The following KCNMB3 variants were observed in gnomAD, a reference collection of about 807,000 sequenced individuals.
KCNMB3 encodes calcium-activated potassium channel subunit beta-3.
Under a neutral mutation model 11.9 loss-of-function variants are expected in KCNMB3, and 18 were observed. That is an observed-to-expected ratio of 1.51 (90% CI 1.04 to 2.23). The LOEUF is 2.23. Among genes scored for constraint, KCNMB3 ranks in the 30% most tolerant of loss-of-function variants. The pLI is 0.00. For missense variants in KCNMB3, 247 were observed against 329.4 expected (o/e 0.75, Z 1.94); for synonymous variants, 78 against 119.2 (o/e 0.65, Z 2.25).
chr3:179,262,790 G>A (rs898617612), intron 1 of KCNMB3, among the ~76,000 whole-genome samples: 6 of 152,144 alleles, frequency 3.9e-5, no homozygotes, highest in Admixed American at 2.0e-4. Context: ...GGACACAAAC[G>A]TTTTCCAAGT....
At chr3:179,249,215 A>G (rs1463400972) in intron 1 of KCNMB3, among the ~76,000 whole-genome samples, 3 of 149,940 alleles carry the variant, frequency 2.0e-5, no homozygotes, top group Non-Finnish European at 3.0e-5. Context: ...GGGTTTCAGC[A>G]TGTTAGCCAG....
At chr3:179,259,246 G>A in intron 1 of KCNMB3, 1 of 1,535,090 alleles carries the variant, frequency 6.5e-7, no homozygotes, top group South Asian at 1.3e-5. Flanking sequence ...TCCTGTGAGG[G>A]ACTTTCATTT....
chr3:179,250,178 TCTTA>T (rs1192401743), intron 1 of KCNMB3, among the ~76,000 whole-genome samples: 3 of 152,176 alleles, frequency 2.0e-5, no homozygotes, highest in Non-Finnish European at 4.4e-5. Flanking sequence ...GAGGGATTGA[TCTTA>T]CTGTCTCAGG....
At chr3:179,243,528 G>A (rs1298368280) in intron 2 of KCNMB3, among the ~76,000 whole-genome samples, 2 of 152,050 alleles carry the variant, frequency 1.3e-5, no homozygotes. Context: ...TTGCAGGAGA[G>A]TCAGTGACCA....
chr3:179,265,333 A>G (rs1417250961), intron 1 of KCNMB3, among the ~76,000 whole-genome samples: 2 of 152,184 alleles, frequency 1.3e-5, no homozygotes, highest in African/African-American at 2.4e-5. Context: ...AGTGAGTAAC[A>G]TGATGACCAT....
chr3:179,256,001 A>G (rs1301351150), upstream of KCNMB3, among the ~76,000 whole-genome samples: 1 of 152,216 alleles, frequency 6.6e-6, no homozygotes, highest in Non-Finnish European at 1.5e-5. Context: ...TTCAAACACA[A>G]AACTGAGTTT....
chr3:179,259,263 A>G, intron 1 of KCNMB3: 1 of 1,538,566 alleles, frequency 6.5e-7, no homozygotes, highest in Admixed American at 2.2e-5. Flanking sequence ...ATTTTTGGGT[A>G]CGGTGCAGTG....
downstream of KCNMB3, chr3:179,241,715 TAAC>T (rs917304431): frequency 1.3e-5 from 2 of 152,572 alleles, no homozygotes; most frequent in African/African-American, 4.8e-5. Flanking sequence ...CATCATTTAA[TAAC>T]CATGGTTGAT....
rs539616104 is a variant in KCNMB3, at chr3:179,258,388, T to A, written c.63-7454A>T. Reference sequence around the variant, plus strand: ...AAAGCATTGGTTCAAAATCAAAGACTTATATGAGGTGAAGGCAAATAAAGC... The same window carrying A: ...AAAGCATTGGTTCAAAATCAAAGACATATATGAGGTGAAGGCAAATAAAGC... On this transcript the variant is annotated intron_variant, in intron 1 of 3. Coordinates refer to the KCNMB3 transcript ENST00000349697. Among the ~76,000 whole-genome samples the A allele has an allele frequency of 2.6e-5, 4 of 152,326 alleles. No individual in the cohort carries two copies. The South Asian group carries it at 6.2e-4, about 24-fold the overall frequency.
intron 1 of KCNMB3, among the ~76,000 whole-genome samples, chr3:179,261,672 G>A (rs1379468573): frequency 2.0e-5 from 3 of 151,830 alleles, no homozygotes; most frequent in Admixed American, 2.0e-4. Flanking sequence ...ATTATTTCCT[G>A]GGCTAGCGAT....
rs901245824 is a variant in KCNMB3, at chr3:179,260,557, G to C, written c.62+6092C>G. The stretch of plus-strand genomic sequence containing the variant: ...ACCTCCACCTCACTGGCTTTCCTAG[G>C]GTCCCATCCCCTGTCGACTTGAGGG... On this transcript the variant is annotated intron_variant, in intron 1 of 3. Coordinates refer to the KCNMB3 transcript ENST00000349697. 6.3e-6 allele frequency: 10 copies of C among 1,585,630 alleles called. No individual in the cohort carries two copies. The African/African-American group carries it at 1.2e-4, about 19-fold the overall frequency.
chr3:179,258,950 T>C (rs1387146174), intron 1 of KCNMB3: 1 of 1,613,968 alleles, frequency 6.2e-7, no homozygotes, highest in African/African-American at 1.3e-5. Context: ...CTACTTACAT[T>C]GGCAGTGGAG....
At chr3:179,253,362 C>G (rs144420889), upstream of KCNMB3, among the ~76,000 whole-genome samples, 1 of 152,220 alleles carries the variant, frequency 6.6e-6, no homozygotes, top group African/African-American at 2.4e-5. Flanking sequence ...CAGACCTGTA[C>G]TGTCCTAGAC....
chr3:179,260,829 G>A, intron 1 of KCNMB3: 1 of 1,284,254 alleles, frequency 7.8e-7, no homozygotes, highest in East Asian at 2.3e-5. Context: ...TCAGCCAGCT[G>A]TTCTTCAATC....
At chr3:179,261,239 A>T (rs1458921110) in intron 1 of KCNMB3, 1 of 1,334,798 alleles carries the variant, frequency 7.5e-7, no homozygotes, top group African/African-American at 1.5e-5. Context: ...CAAACAGTAG[A>T]TCTCCCGGCT....
intron 1 of KCNMB3, chr3:179,259,413 T>C: frequency 1.9e-6 from 3 of 1,596,960 alleles, no homozygotes; most frequent in Non-Finnish European, 2.6e-6. Flanking sequence ...ATCCTCAAAA[T>C]CTAATGTGTC....
At chr3:179,240,069 T>G, downstream of KCNMB3, 2 of 1,536,116 alleles carry the variant, frequency 1.3e-6, no homozygotes, top group Non-Finnish European at 1.8e-6. Flanking sequence ...ATCACGCTGT[T>G]TATTAAAAAA....
chr3:179,255,471 G>C (rs1419282326), upstream of KCNMB3, among the ~76,000 whole-genome samples: 2 of 152,078 alleles, frequency 1.3e-5, no homozygotes, highest in African/African-American at 4.8e-5. Flanking sequence ...CACTCAATTA[G>C]ATACATCTGA....
upstream of KCNMB3, chr3:179,251,554 C>A: frequency 1.5e-6 from 2 of 1,326,682 alleles, no homozygotes; most frequent in Non-Finnish European, 1.9e-6. Flanking sequence ...TTTCTTCTCT[C>A]CTCTCTCCAC....
Sources: allele counts gnomAD v4.1 joint callset (sites outside exome capture counted in the v4.1 genomes callset), GRCh38; gene constraint gnomAD v4.1.1; transcripts MANE v1.5; gene names NCBI Gene and HGNC (gene_info 2026-07-23, HGNC 2026-07-21).